LRRTM4: variants seen among roughly 807,000 people sequenced by gnomAD.
The protein encoded by LRRTM4 is leucine rich repeat transmembrane neuronal 4, also known as leucine-rich repeat transmembrane neuronal protein 4.
LRRTM4 carries 25 observed loss-of-function variants against 47.6 expected under a neutral mutation model. The ratio of observed to expected loss-of-function variants is 0.53; its 90% CI spans 0.38 to 0.73. LRRTM4 has a LOEUF of 0.73. Among genes scored for constraint, LRRTM4 ranks in the 30% least tolerant of loss-of-function variants. The pLI is 0.00. For synonymous variants in LRRTM4, 311 were observed against 269.5 expected (o/e 1.15, Z -1.51); for missense variants, 638 against 713.4 (o/e 0.89, Z 1.20).
At chr2:77,397,198 T>C (rs548099399) in intron 3 of LRRTM4, among the ~76,000 whole-genome samples, 3 of 152,020 alleles carry the variant, frequency 2.0e-5, no homozygotes, top group African/African-American at 7.2e-5. Flanking sequence ...ATTTGCATAA[T>C]AGAAATTTGC....
intron 3 of LRRTM4, among the ~76,000 whole-genome samples, chr2:77,391,842 A>T (rs920373249): frequency 5.3e-5 from 8 of 151,970 alleles, no homozygotes; most frequent in African/African-American, 1.2e-4. Flanking sequence ...TGGCATTTTC[A>T]TTAAAACAGA....
At chr2:76,841,169 G>T (rs544826933) in intron 3 of LRRTM4, among the ~76,000 whole-genome samples, 1 of 151,214 alleles carries the variant, frequency 6.6e-6, no homozygotes, top group Non-Finnish European at 1.5e-5. Flanking sequence ...GCAAGCTATC[G>T]CAAGGACAAA....
intron 3 of LRRTM4, among the ~76,000 whole-genome samples, chr2:77,211,745 T>C (rs1022223557): frequency 6.6e-6 from 1 of 152,182 alleles, no homozygotes; most frequent in Admixed American, 6.6e-5. Context: ...GCCATGTCTC[T>C]TGATACTTTA....
intron 3 of LRRTM4, among the ~76,000 whole-genome samples, chr2:77,213,596 T>C (rs1674355686): frequency 6.6e-6 from 1 of 152,142 alleles, no homozygotes; most frequent in South Asian, 2.1e-4. Context: ...AGCCCTACAT[T>C]ATTTTCCAAC....
At chr2:76,870,172 C>T (rs998536097) in intron 3 of LRRTM4, among the ~76,000 whole-genome samples, 2 of 152,152 alleles carry the variant, frequency 1.3e-5, no homozygotes, top group African/African-American at 2.4e-5. Flanking sequence ...TAAAGCCCTC[C>T]ACTGTTTCCT....
intron 3 of LRRTM4, among the ~76,000 whole-genome samples, chr2:77,417,730 A>G (rs968903339): frequency 7.5e-5 from 11 of 147,172 alleles, no homozygotes; most frequent in Non-Finnish European, 7.5e-5. Flanking sequence ...ACATGGACAC[A>G]GGAAGGGGAA....
chr2:77,127,877 G>C (rs1350839509), intron 3 of LRRTM4, among the ~76,000 whole-genome samples: 3 of 152,166 alleles, frequency 2.0e-5, no homozygotes, highest in Non-Finnish European at 4.4e-5. Context: ...AGGTGCAGTG[G>C]CTCACGCCTG....
At chr2:77,378,234 A>T (rs1672911527) in intron 3 of LRRTM4, among the ~76,000 whole-genome samples, 1 of 151,936 alleles carries the variant, frequency 6.6e-6, no homozygotes. Flanking sequence ...CTGGGGTACG[A>T]ATTAGTCTCT....
intron 3 of LRRTM4, among the ~76,000 whole-genome samples, chr2:77,144,704 A>T (rs1672210296): frequency 6.6e-6 from 1 of 152,172 alleles, no homozygotes; most frequent in South Asian, 2.1e-4. Context: ...AATGTGATAG[A>T]ATTCCTCCTA....
At chr2:77,288,942 A>C (rs1160527675) in intron 3 of LRRTM4, among the ~76,000 whole-genome samples, 1 of 152,038 alleles carries the variant, frequency 6.6e-6, no homozygotes, top group Non-Finnish European at 1.5e-5. Flanking sequence ...AAAAAAATTC[A>C]TCAGTTAATG....
chr2:77,164,395 G>T (rs1204845175), intron 3 of LRRTM4, among the ~76,000 whole-genome samples: 7 of 152,116 alleles, frequency 4.6e-5, no homozygotes, highest in Non-Finnish European at 1.0e-4. Context: ...ACATTAGACA[G>T]ATCAACAGAC....
At chr2:76,832,320 T>G (rs1671376571) in intron 3 of LRRTM4, among the ~76,000 whole-genome samples, 1 of 152,062 alleles carries the variant, frequency 6.6e-6, no homozygotes, top group African/African-American at 2.4e-5. Context: ...GTATTCAGAT[T>G]GATTAAAAGA....
intron 3 of LRRTM4, among the ~76,000 whole-genome samples, chr2:77,137,305 G>T (rs560068294): frequency 6.6e-6 from 1 of 151,914 alleles, no homozygotes. Flanking sequence ...GCCAGAAAGA[G>T]TGGGGGCCAA....
intron 3 of LRRTM4, among the ~76,000 whole-genome samples, chr2:77,441,263 G>C (rs951703866): frequency 6.6e-6 from 1 of 152,158 alleles, no homozygotes; most frequent in African/African-American, 2.4e-5. Flanking sequence ...AACTTTAAAT[G>C]TTTTTAATTA....
At chr2:76,923,799 T>G (rs1674506030) in intron 3 of LRRTM4, among the ~76,000 whole-genome samples, 1 of 152,130 alleles carries the variant, frequency 6.6e-6, no homozygotes, top group East Asian at 1.9e-4. Flanking sequence ...TATTTTATGT[T>G]TCTTTAGCTA....
intron 3 of LRRTM4, among the ~76,000 whole-genome samples, chr2:76,779,310 T>A (rs1265814889): frequency 1.3e-5 from 2 of 150,640 alleles, no homozygotes; most frequent in African/African-American, 4.9e-5. Context: ...AATTCCTGGG[T>A]ATCCTTGTTG....
At chr2:77,127,346 T>C (rs1352257771) in intron 3 of LRRTM4, among the ~76,000 whole-genome samples, 1 of 152,192 alleles carries the variant, frequency 6.6e-6, no homozygotes, top group Non-Finnish European at 1.5e-5. Flanking sequence ...ATTCAGGGAA[T>C]AAATTAATTT....
intron 3 of LRRTM4, among the ~76,000 whole-genome samples, chr2:77,224,236 A>T: frequency 6.6e-6 from 1 of 152,012 alleles, no homozygotes; most frequent in Non-Finnish European, 1.5e-5. Flanking sequence ...CTTACATGTT[A>T]GACCTAAAAC....
chr2:76,916,465 A>G (rs1199998240), intron 3 of LRRTM4, among the ~76,000 whole-genome samples: 1 of 151,876 alleles, frequency 6.6e-6, no homozygotes, highest in Non-Finnish European at 1.5e-5. Context: ...GCATCTGATC[A>G]TGTCCATGCT....
Sources: gnomAD v4.1 joint callset for allele counts (sites outside exome capture counted in the v4.1 genomes callset) on GRCh38, gnomAD v4.1.1 for gene constraint, MANE v1.5 for transcripts, NCBI Gene and HGNC (gene_info 2026-07-23, HGNC 2026-07-21) for gene names.